The following CATSPERE variants were observed in gnomAD, a reference collection of about 807,000 sequenced individuals.
CATSPERE encodes catsper channel auxiliary subunit epsilon, also known as cation channel sperm-associated auxiliary subunit epsilon.
CATSPERE carries 93 observed loss-of-function variants against 114.1 expected under a neutral mutation model. The ratio of observed to expected loss-of-function variants is 0.81; its 90% CI spans 0.69 to 0.97. The LOEUF (loss-of-function observed/expected upper bound fraction) is 0.97. Among genes scored for constraint, CATSPERE ranks in the 50% least tolerant of loss-of-function variants. CATSPERE has a pLI of 0.00. For missense variants in CATSPERE, 1,058 were observed against 1,131.6 expected, an observed-to-expected ratio of 0.93 and a Z score of 0.93; for synonymous variants, 341 against 384.1, an observed-to-expected ratio of 0.89 and a Z score of 1.31.
chr1:244,610,664 CAAGT>C, intron 19 of CATSPERE: 1 of 265,292 alleles, frequency 3.8e-6, no homozygotes. Flanking sequence ...ACTGAAAAAT[CAAGT>C]TGTCAATGAG....
chr1:244,562,076 C>T (rs939763239), intron 10 of CATSPERE, among the ~76,000 whole-genome samples: 4 of 146,294 alleles, frequency 2.7e-5, no homozygotes, highest in Middle Eastern at 3.6e-3. Flanking sequence ...CACTTGAGCC[C>T]GGGAGGTCAA....
At chr1:244,588,238 C>T (rs1450545783) in intron 13 of CATSPERE, among the ~76,000 whole-genome samples, 2 of 138,872 alleles carry the variant, frequency 1.4e-5, no homozygotes, top group African/African-American at 5.5e-5. Flanking sequence ...TTCCCTGAGA[C>T]ACAAATGTAA....
chr1:244,500,559 A>G (rs1374556080), intron 7 of CATSPERE, among the ~76,000 whole-genome samples: 4 of 152,182 alleles, frequency 2.6e-5, no homozygotes, highest in Non-Finnish European at 5.9e-5. Flanking sequence ...TGTTTTCTGA[A>G]TAAGGTTAGC....
intron 19 of CATSPERE, among the ~76,000 whole-genome samples, chr1:244,611,298 A>C (rs1464958360): frequency 6.6e-6 from 1 of 152,118 alleles, no homozygotes; most frequent in Non-Finnish European, 1.5e-5. Context: ...CTGTTTAAAA[A>C]TCATAAGGGG....
At chr1:244,617,842 G>T (rs1259463028) in intron 20 of CATSPERE, among the ~76,000 whole-genome samples, 156 bp downstream of exon 20, 1 of 152,006 alleles carries the variant, frequency 6.6e-6, no homozygotes, top group Non-Finnish European at 1.5e-5. Flanking sequence ...ATTCTATGTG[G>T]GTAGAAGATT....
chr1:244,621,256 G>GATATATTTATATAAATATATTTAT lies in CATSPERE; in HGVS notation c.2648+3583_2648+3584insAATATATTTATATATATTTATATA, dbSNP rs1470854186. Among the ~76,000 whole-genome samples the GATATATTTATATAAATATATTTAT allele has an allele frequency of 4.2e-4, 9 of 21,506 alleles. 4 individuals are homozygous for GATATATTTATATAAATATATTTAT. Among genetic ancestry groups the GATATATTTATATAAATATATTTAT allele is most frequent in the Admixed American group, 1.7e-3 (2 of 1,178 alleles). The allele number at this position is 21,506 out of a possible 152,430, so 14.1% of individuals were successfully genotyped here. On this transcript the variant is annotated intron_variant, in intron 20 of 21. Coordinates refer to ENST00000366534, the MANE Select transcript of CATSPERE (RefSeq NM_001130957.2). ...ATATTTATATAGATATATTTATATA[G>GATATATTTATATAAATATATTTAT]ATATATTTATATAGATATATCTATA...
At chr1:244,601,341 G>T (rs1669188553) in intron 17 of CATSPERE, among the ~76,000 whole-genome samples, 1 of 152,056 alleles carries the variant, frequency 6.6e-6, no homozygotes, top group African/African-American at 2.4e-5. Context: ...TACAGAAAAT[G>T]CGTTGAAAAG....
intron 9 of CATSPERE, among the ~76,000 whole-genome samples, chr1:244,555,258 G>A (rs886761389): frequency 1.3e-4 from 20 of 151,858 alleles, no homozygotes; most frequent in Admixed American, 3.9e-4. Flanking sequence ...GGTGGCACAC[G>A]CCTGTAGTCC....
intron 20 of CATSPERE, among the ~76,000 whole-genome samples, chr1:244,627,637 G>C (rs1221877525): frequency 2.6e-5 from 4 of 152,240 alleles, no homozygotes; most frequent in Admixed American, 2.0e-4. Flanking sequence ...GCAAGCACAT[G>C]ATGTTTATAA....
intron 5 of CATSPERE, among the ~76,000 whole-genome samples, chr1:244,485,981 G>A (rs1670946559): frequency 6.6e-6 from 1 of 151,798 alleles, no homozygotes; most frequent in South Asian, 2.1e-4. Context: ...ACCACACCAG[G>A]CCTCTATCTA....
Position 244,477,967 on chromosome 1 carries a change from A to G in CATSPERE, c.250A>G (p.Thr84Ala). The part of the protein sequence containing the change: ...PGVHAIKPIV[T>A]GPDEEERYLF... ...TGTTCACGCTATAAAACCAATTGTTACTGGCCCAGTAAGTTGTTTTAATGA... is the reference window on the plus strand; with the variant it reads ...TGTTCACGCTATAAAACCAATTGTTGCTGGCCCAGTAAGTTGTTTTAATGA... The change falls in exon 4 of 22, where the codon ACT (threonine) becomes GCT (alanine). Residue 84 changes from threonine to alanine, a missense_variant. Thr to Ala is a moderately conservative substitution (Grantham distance 58). Coordinates refer to ENST00000366534, the MANE Select transcript of CATSPERE (RefSeq NM_001130957.2). 2 of 1,594,642 alleles carry G rather than the reference A, an allele frequency of 1.3e-6. No homozygotes were observed. The highest frequency in any genetic ancestry group is 1.7e-6 in the Non-Finnish European group (2 of 1,163,396).
In CATSPERE at chr1:244,518,570, GA is replaced by G. The variant is rs775315156; in HGVS notation, c.430-19del. 43 of 1,358,764 alleles carry G rather than the reference GA, an allele frequency of 3.2e-5. No individual in the cohort carries two copies. The Admixed American group carries it at 7.6e-4, about 24-fold the overall frequency. The allele number at this position is 1,358,764 out of a possible 1,614,324, so 84.2% of individuals were successfully genotyped here. A position where few individuals can be genotyped will look rare whatever the true frequency, so the allele number is the denominator to read the frequency against. On this transcript the variant is annotated intron_variant, in intron 7 of 21. Coordinates refer to ENST00000366534, the MANE Select transcript of CATSPERE (RefSeq NM_001130957.2). The stretch of plus-strand genomic sequence containing the variant: ...TTTAGCTATGAAAATAATAAAAAAT[GA>G]AATTTAATTTGTTTTTACAGAATTC...
At chr1:244,460,840 G>A (rs1558296577), upstream of CATSPERE, among the ~76,000 whole-genome samples, 2 of 152,218 alleles carry the variant, frequency 1.3e-5, no homozygotes, top group Non-Finnish European at 2.9e-5. Context: ...CTTGAACGCC[G>A]GAGGCGGAGG....
chr1:244,461,479 G>C lies in CATSPERE; in HGVS notation c.50G>C (p.Gly17Ala). The C allele has an allele frequency of 1.5e-6, 2 of 1,335,282 alleles. No homozygotes were observed. The highest frequency in any genetic ancestry group is 2.9e-5 in the East Asian group (1 of 34,428). The allele number at this position is 1,335,282 out of a possible 1,614,324, so 82.7% of individuals were successfully genotyped here. Residue 17 changes from glycine (G) to alanine (A), a missense_variant, in exon 1 of 22, where the codon GGC (glycine) becomes GCC (alanine). Transcript: ENST00000366534. ...AVLLLWLSCY[G>A]SALWRYSTNS... The stretch of plus-strand genomic sequence containing the variant: ...CTGCTGCTGTGGCTGAGCTGCTATG[G>C]CTCCGCCCTTTGGAGGTAGAGAGAC...
At chr1:244,586,670 C>A (rs1667072786) in intron 13 of CATSPERE, among the ~76,000 whole-genome samples, 1 of 152,212 alleles carries the variant, frequency 6.6e-6, no homozygotes, top group South Asian at 2.1e-4. Flanking sequence ...CCTATCCCCA[C>A]CCTCCTGACC....
At chr1:244,458,861 C>T (rs916790532), upstream of CATSPERE, among the ~76,000 whole-genome samples, 1 of 152,142 alleles carries the variant, frequency 6.6e-6, no homozygotes, top group African/African-American at 2.4e-5. Flanking sequence ...TGGCATGCTT[C>T]CTTTAAAGAA....
chr1:244,602,925 T>G lies in CATSPERE; in HGVS notation c.2304-2770T>G, dbSNP rs576406057. Among the ~76,000 whole-genome samples the G allele has an allele frequency of 3.9e-5, 6 of 152,100 alleles. 1 individual carries two copies. Among genetic ancestry groups the G allele is most frequent in the Admixed American group, 2.0e-4 (3 of 15,286 alleles). On this transcript the variant is annotated intron_variant, in intron 17 of 21. Transcript: ENST00000366534. ...CTCCATGGGGCCACACATGGAAACA[T>G]CAGGGTCAGTCAGGAGGCAGAGGGA...
intron 8 of CATSPERE, among the ~76,000 whole-genome samples, chr1:244,524,474 C>T (rs1260798493): frequency 5.3e-5 from 8 of 151,334 alleles, no homozygotes; most frequent in Admixed American, 5.3e-4. Flanking sequence ...CAACAAAAGA[C>T]AAAATTGACA....
chr1:244,531,235 CAAAAAAAAAAAA>C (rs60936159), intron 8 of CATSPERE, among the ~76,000 whole-genome samples: 10 of 60,348 alleles, frequency 1.7e-4, no homozygotes, highest in Non-Finnish European at 4.3e-4. Context: ...GACTCAGTCT[CAAAAAAAAAAAA>C]AAAAAAAAAA....
Sources: gnomAD v4.1 joint callset for allele counts (sites outside exome capture counted in the v4.1 genomes callset) on GRCh38, gnomAD v4.1.1 for gene constraint, MANE v1.5 for transcripts, NCBI Gene and HGNC (gene_info 2026-07-23, HGNC 2026-07-21) for gene names.